ACTR3B: variants seen among roughly 807,000 people sequenced by gnomAD.
ACTR3B encodes the protein actin related protein 3B, also known as actin-related protein 3B.
Under a neutral mutation model 59.0 loss-of-function variants are expected in ACTR3B, and 8 were observed. The observed-to-expected ratio is 0.14, with a 90% CI of 0.08 to 0.24. The LOEUF is 0.24. Among genes scored for constraint, ACTR3B ranks in the 10% least tolerant of loss-of-function variants. The pLI is 1.00. For missense variants in ACTR3B, 245 were observed against 552.3 expected (o/e 0.44, Z 5.58); for synonymous variants, 148 against 197.9 (o/e 0.75, Z 2.12).
intron 1 of ACTR3B, among the ~76,000 whole-genome samples, chr7:152,767,603 C>A (rs1446210394): frequency 6.6e-6 from 1 of 152,170 alleles, no homozygotes; most frequent in Non-Finnish European, 1.5e-5. Flanking sequence ...CTGTATAATA[C>A]TGAGTCTTCC....
chr7:152,822,537 G>A (rs557481125), intron 7 of ACTR3B, among the ~76,000 whole-genome samples: 2 of 152,362 alleles, frequency 1.3e-5, no homozygotes, highest in South Asian at 4.1e-4. Context: ...GGCGGCTTCA[G>A]TCCTCCCACC....
intron 2 of ACTR3B, among the ~76,000 whole-genome samples, chr7:152,798,282 A>G (rs924569393): frequency 1.3e-5 from 2 of 152,194 alleles, no homozygotes; most frequent in African/African-American, 4.8e-5. Context: ...TTCCCCAATG[A>G]TTAGTGATGT....
chr7:152,811,406 A>G (rs1397618020), intron 4 of ACTR3B: 1 of 151,522 alleles, frequency 6.6e-6, no homozygotes, highest in Non-Finnish European at 1.5e-5. Context: ...TACCAAGCCT[A>G]GTAAAGTGGA....
At chr7:152,801,880 A>G (rs1232349462) in intron 4 of ACTR3B, 149 bp downstream of exon 4, 36 of 541,740 alleles carry the variant, frequency 6.6e-5, no homozygotes, top group Non-Finnish European at 9.2e-5. Flanking sequence ...AAAGCTCAAT[A>G]AAAATGTTCA....
rs1394303811 is a variant in ACTR3B, at chr7:152,812,005, C to T, written c.337-2545C>T. 4.1e-5 allele frequency: 4 copies of T among 97,470 alleles called. 1 individual carries two copies. The highest frequency in any genetic ancestry group is 9.0e-5 in the Non-Finnish European group (4 of 44,460). The allele number at this position is 97,470 out of a possible 1,614,324, so 6.0% of individuals were successfully genotyped here. On this transcript the variant is annotated intron_variant, in intron 4 of 11. Transcript: ENST00000256001. ...ACATTTACATTCTGTTCTTAATTCC[C>T]AGAAAATAAAAGTCTTTTTTTTTTT...
chr7:152,786,930 T>A (rs1469654368), intron 2 of ACTR3B, among the ~76,000 whole-genome samples: 1 of 152,238 alleles, frequency 6.6e-6, no homozygotes, highest in Non-Finnish European at 1.5e-5. Flanking sequence ...CTAACGTGAA[T>A]ATACAACAGT....
rs1799059818 is a variant in ACTR3B at position 152,854,033 on chromosome 7, T to G, written c.1162-425T>G. On this transcript the variant is annotated intron_variant, in intron 11 of 11. Coordinates refer to ENST00000256001, the MANE Select transcript of ACTR3B (RefSeq NM_020445.6). The surrounding 1 kb of genome is among the most constrained non-coding windows in gnomAD (Gnocchi z 4.9). The stretch of plus-strand genomic sequence containing the variant: ...GTGAGCCTCTGTGCCCGGCCCGATA[T>G]AAACTATATCTTAATAATCACACAA... 6.6e-6 allele frequency among the ~76,000 whole-genome samples: 1 copy of G among 152,164 alleles called. No homozygotes were observed. The highest frequency in any genetic ancestry group is 1.5e-5 in the Non-Finnish European group (1 of 68,030).
chr7:152,844,143 C>G (rs1472939613), intron 9 of ACTR3B, among the ~76,000 whole-genome samples: 2 of 152,100 alleles, frequency 1.3e-5, no homozygotes, highest in Non-Finnish European at 2.9e-5. Context: ...CTGCAACCTC[C>G]GCCTCCCAGG....
intron 1 of ACTR3B, among the ~76,000 whole-genome samples, chr7:152,771,253 C>G (rs2098123254): frequency 6.6e-6 from 1 of 152,042 alleles, no homozygotes; most frequent in African/African-American, 2.4e-5. Flanking sequence ...CTGTGCCTGG[C>G]TAGAATGGAA....
chr7:152,812,069 C>T (rs1415574757), intron 4 of ACTR3B: 2 of 60,804 alleles, frequency 3.3e-5, no homozygotes, highest in African/African-American at 9.3e-5. Flanking sequence ...CTTACTCCAT[C>T]GCCCAGGCTG....
chr7:152,818,187 G>T (rs1795860731), intron 6 of ACTR3B, among the ~76,000 whole-genome samples: 1 of 152,208 alleles, frequency 6.6e-6, no homozygotes, highest in African/African-American at 2.4e-5. Context: ...CCCCTGGCCT[G>T]CACCCCCTTT....
intron 2 of ACTR3B, 38 bp from the exon 3 acceptor site, chr7:152,800,493 A>G (rs374085615): frequency 1.2e-4 from 193 of 1,606,414 alleles, no homozygotes; most frequent in Middle Eastern, 3.3e-4. Flanking sequence ...ATAGATATGG[A>G]TAGTGATAGA....
At chr7:152,761,012 G>T (rs2098087684) in intron 1 of ACTR3B, among the ~76,000 whole-genome samples, 1 of 152,098 alleles carries the variant, frequency 6.6e-6, no homozygotes. Flanking sequence ...TGGTTTCCTT[G>T]ACAACCTTGT....
intron 10 of ACTR3B, among the ~76,000 whole-genome samples, chr7:152,852,854 A>C (rs917502171): frequency 3.4e-5 from 5 of 146,818 alleles, no homozygotes; most frequent in South Asian, 2.2e-4. Context: ...TGCAGTGGTG[A>C]GATCTCGGCT....
At chr7:152,809,306 A>G (rs569466181) in intron 4 of ACTR3B, among the ~76,000 whole-genome samples, 1,560 of 151,374 alleles carry the variant, frequency 0.01, 25 homozygotes, top group African/African-American at 0.036. Flanking sequence ...CCAGAGTTTA[A>G]AGTGCCAGGC....
intron 9 of ACTR3B, among the ~76,000 whole-genome samples, chr7:152,839,551 C>T (rs1226210966): frequency 1.4e-5 from 2 of 144,830 alleles, no homozygotes; most frequent in African/African-American, 2.7e-5. Flanking sequence ...TCAGGCAGCG[C>T]GTAAGCACTG....
chr7:152,835,826 T>C (rs1437323742), intron 9 of ACTR3B, among the ~76,000 whole-genome samples: 1 of 152,222 alleles, frequency 6.6e-6, no homozygotes, highest in Non-Finnish European at 1.5e-5. Flanking sequence ...TAGTTCTGTC[T>C]CCCTACCCGA....
rs1039990679 is a variant in ACTR3B at position 152,781,194 on chromosome 7, T to TG, written c.45-1993_45-1992insG. Among the ~76,000 whole-genome samples the TG allele has an allele frequency of 2.2e-4, 9 of 41,036 alleles. 1 individual carries two copies. The highest frequency in any genetic ancestry group is 6.1e-4 in the African/African-American group (8 of 13,222). The allele number at this position is 41,036 out of a possible 152,430, so 26.9% of individuals were successfully genotyped here. ...CGCTTTACCATATTCGTTTCAGTGG[T>TG]TTTTTTTTTTTTTTTTTTTTTTCTG... On this transcript the variant is annotated intron_variant, in intron 1 of 11. Transcript: ENST00000256001.
chr7:152,843,296 A>G (rs1399518433), intron 9 of ACTR3B, among the ~76,000 whole-genome samples: 6 of 152,242 alleles, frequency 3.9e-5, no homozygotes, highest in African/African-American at 1.4e-4. Flanking sequence ...ATGGTTTTTC[A>G]AAGAAATTTT....
Sources: gnomAD v4.1 joint callset for allele counts (sites outside exome capture counted in the v4.1 genomes callset) on GRCh38, gnomAD v4.1.1 for gene constraint, Gnocchi (gnomAD v3.1) non-coding constraint, MANE v1.5 for transcripts, NCBI Gene and HGNC (gene_info 2026-07-23, HGNC 2026-07-21) for gene names.